GRIA2: variants seen among roughly 807,000 people sequenced by gnomAD.
The protein encoded by GRIA2 is glutamate receptor 2.
A neutral mutation model predicts 97.3 loss-of-function variants in GRIA2; 14 were observed. The ratio of observed to expected loss-of-function variants is 0.14; its 90% CI spans 0.10 to 0.23. The LOEUF (loss-of-function observed/expected upper bound fraction) is 0.23, where lower values mean the gene tolerates loss of function less well. Among genes scored for constraint, GRIA2 ranks in the 10% least tolerant of loss-of-function variants. The pLI is 1.00. For missense variants in GRIA2, 558 were observed against 1,069.8 expected, an observed-to-expected ratio of 0.52 and a Z score of 6.67; for synonymous variants, 412 against 387.8, an observed-to-expected ratio of 1.06 and a Z score of -0.73.
intron 12 of GRIA2, among the ~76,000 whole-genome samples, chr4:157,348,057 A>C (rs956687445): frequency 6.6e-6 from 1 of 152,032 alleles, no homozygotes. Context: ...TGGAGGTTGC[A>C]GTGAGCCGGG....
chr4:157,235,214 C>T (rs1199807836), intron 2 of GRIA2, among the ~76,000 whole-genome samples: 3 of 152,064 alleles, frequency 2.0e-5, no homozygotes, highest in African/African-American at 7.2e-5. Flanking sequence ...TTTGTATGCA[C>T]CAAAAACCTA....
At chr4:157,357,576 CA>C (rs1736446735) in intron 12 of GRIA2, among the ~76,000 whole-genome samples, 1 of 152,006 alleles carries the variant, frequency 6.6e-6, no homozygotes, top group South Asian at 2.1e-4. Context: ...ACAATTACAT[CA>C]TAAAATCATG....
chr4:157,322,326 A>T (rs1441442499), intron 6 of GRIA2, among the ~76,000 whole-genome samples: 1 of 151,844 alleles, frequency 6.6e-6, no homozygotes, highest in East Asian at 1.9e-4. Flanking sequence ...TGAACACTTT[A>T]AAAAGAAGAT....
At chr4:157,278,844 C>G (rs1732466709) in intron 2 of GRIA2, among the ~76,000 whole-genome samples, 1 of 102,934 alleles carries the variant, frequency 9.7e-6, no homozygotes, top group South Asian at 2.4e-4. Flanking sequence ...AGAAGATATA[C>G]TGAAGATATA....
intron 2 of GRIA2, among the ~76,000 whole-genome samples, chr4:157,234,880 G>A (rs974110401): frequency 3.9e-5 from 6 of 152,042 alleles, no homozygotes; most frequent in African/African-American, 4.8e-5. Flanking sequence ...GCAGTTGTGC[G>A]GGGTGGTTGG....
chr4:157,345,233 T>C (rs2126959675), intron 12 of GRIA2, among the ~76,000 whole-genome samples: 1 of 152,140 alleles, frequency 6.6e-6, no homozygotes, highest in Middle Eastern at 3.4e-3. Context: ...AAACGAAACA[T>C]TCATGAAATA....
chr4:157,331,263 A>G (rs889532902), intron 6 of GRIA2, among the ~76,000 whole-genome samples: 2 of 151,926 alleles, frequency 1.3e-5, no homozygotes, highest in African/African-American at 4.8e-5. Flanking sequence ...AATGCTTTCA[A>G]TTCTTTCAAG....
At chr4:157,296,526 A>G (rs1278546892) in intron 2 of GRIA2, among the ~76,000 whole-genome samples, 1 of 152,126 alleles carries the variant, frequency 6.6e-6, no homozygotes, top group Non-Finnish European at 1.5e-5. Context: ...ATAATTTATA[A>G]TTTTTTCCAG....
chr4:157,282,169 A>AT (rs1300452253), intron 2 of GRIA2, among the ~76,000 whole-genome samples: 1 of 151,970 alleles, frequency 6.6e-6, no homozygotes, highest in Admixed American at 6.6e-5. Flanking sequence ...CTCTGTGATG[A>AT]TTTTTTATCC....
rs756917217 is a variant in GRIA2 at position 157,335,817 on chromosome 4, T to C, written c.1413T>C (p.Tyr471=). The stretch of plus-strand genomic sequence containing the variant: ...TGACAATTGTTGGTGATGGCAAGTA[T>C]GGGGCCAGGGATGCAGACACGAAAA... ...YKLTIVGDGK[Y]GARDADTKIW... is the part of the protein sequence containing the mutation. Residue 471 remains tyrosine, a synonymous_variant, in exon 10 of 16, where the codon TAT becomes TAC. Transcript: ENST00000264426. The C allele has an allele frequency of 3.1e-6, 5 of 1,612,898 alleles. No individual in the cohort carries two copies. The South Asian group carries it at 4.4e-5, about 14-fold the overall frequency.
Position 157,230,563 on chromosome 4 carries a change from CTTCCTTCCTTCCTTCT to C in GRIA2, c.229+8772_229+8787del, listed in dbSNP as rs1433059039. ...CTTTCCTTCCTTCCTTCCTTCTTTC[CTTCCTTCCTTCCTTCT>C]TTCCTTCCTTCCTTCCTTCTTCCTT... On this transcript the variant is annotated intron_variant, in intron 2 of 15. Coordinates refer to ENST00000264426, the MANE Select transcript of GRIA2 (RefSeq NM_001083619.3). Among the ~76,000 whole-genome samples, 53 of 71,090 alleles carry C rather than the reference CTTCCTTCCTTCCTTCT, an allele frequency of 7.5e-4. 1 individual carries two copies. Among genetic ancestry groups the C allele is most frequent in the East Asian group, 2.6e-3 (5 of 1,946 alleles). 46.6% of individuals were successfully genotyped at this position (71,090 alleles called of 152,430 possible). A position where few individuals can be genotyped will look rare whatever the true frequency, so the allele number is the denominator to read the frequency against.
chr4:157,305,042 A>C (rs1227489352), intron 3 of GRIA2, among the ~76,000 whole-genome samples: 1 of 152,212 alleles, frequency 6.6e-6, no homozygotes, highest in Non-Finnish European at 1.5e-5. Flanking sequence ...ATTAAAAACT[A>C]AAACCGAGAA....
chr4:157,335,434 G>T (rs980322646), intron 9 of GRIA2: 19 of 512,748 alleles, frequency 3.7e-5, no homozygotes, highest in Admixed American at 2.9e-4. Flanking sequence ...TGAGTATCTT[G>T]TTAACTCAGT....
chr4:157,240,936 A>T (rs1730481669), intron 2 of GRIA2, among the ~76,000 whole-genome samples: 2 of 146,844 alleles, frequency 1.4e-5, no homozygotes, highest in South Asian at 4.3e-4. Context: ...TTCAGTTCCC[A>T]CCTATGAGTG....
intron 2 of GRIA2, among the ~76,000 whole-genome samples, chr4:157,261,923 T>C (rs1731553597): frequency 2.0e-5 from 3 of 152,156 alleles, no homozygotes; most frequent in Admixed American, 1.3e-4. Flanking sequence ...TTTATAGGAG[T>C]TCAAAAATTA....
chr4:157,314,060 G>A (rs1266942468), intron 4 of GRIA2, among the ~76,000 whole-genome samples: 4 of 152,100 alleles, frequency 2.6e-5, no homozygotes, highest in African/African-American at 9.7e-5. Context: ...GGAAGAAGAA[G>A]GGTTGGTCTT....
intron 2 of GRIA2, among the ~76,000 whole-genome samples, chr4:157,227,468 C>T (rs1249140223): frequency 2.0e-5 from 3 of 152,090 alleles, no homozygotes; most frequent in African/African-American, 7.2e-5. Flanking sequence ...CTCTCTTCCT[C>T]CTCTTCCCTT....
chr4:157,324,176 G>A (rs1250548130), intron 6 of GRIA2, among the ~76,000 whole-genome samples: 1 of 152,010 alleles, frequency 6.6e-6, no homozygotes, highest in Non-Finnish European at 1.5e-5. Flanking sequence ...AATTTCCAAG[G>A]TGTATTCCAA....
intron 12 of GRIA2, among the ~76,000 whole-genome samples, chr4:157,350,211 G>C (rs1735947184): frequency 6.6e-6 from 1 of 151,970 alleles, no homozygotes; most frequent in Admixed American, 6.6e-5. Context: ...CAAATATATG[G>C]AGAGAACTAT....
Sources: allele counts gnomAD v4.1 joint callset (sites outside exome capture counted in the v4.1 genomes callset), GRCh38; gene constraint gnomAD v4.1.1; transcripts MANE v1.5; gene names NCBI Gene and HGNC (gene_info 2026-07-23, HGNC 2026-07-21).